The following COL20A1 variants were observed in gnomAD, a reference collection of about 807,000 sequenced individuals.
COL20A1 encodes collagen alpha-1(XX) chain.
COL20A1 carries 164 observed loss-of-function variants against 152.9 expected under a neutral mutation model. That is an observed-to-expected ratio of 1.07 (90% CI 0.94 to 1.22). The LOEUF (loss-of-function observed/expected upper bound fraction) is 1.22. Ranked by LOEUF, COL20A1 falls within the 50% of genes most tolerant of loss-of-function variation. COL20A1 has a pLI of 0.00. For missense variants in COL20A1, 1,873 were observed against 1,744.8 expected (o/e 1.07, Z -1.31); for synonymous variants, 864 against 756.0 (o/e 1.14, Z -2.34).
Position 63,309,326 on chromosome 20 carries a change from C to G in COL20A1, c.941-7C>G, listed in dbSNP as rs774575575. 48 of 1,458,222 alleles carry G rather than the reference C, an allele frequency of 3.3e-5. No individual in the cohort carries two copies. The highest frequency in any genetic ancestry group is 4.2e-5 in the Non-Finnish European group (46 of 1,098,470). The allele number at this position is 1,458,222 out of a possible 1,614,324, so 90.3% of individuals were successfully genotyped here. On this transcript the variant is annotated splice_polypyrimidine_tract_variant and splice_region_variant and intron_variant, in intron 8 of 35. Coordinates refer to ENST00000358894, the MANE Select transcript of COL20A1 (RefSeq NM_020882.4). ...CAGGCCAACCCCACCTCCCTCCTCA[C>G]GAGCAGGTGTGAAGAACGCCGATGA... is the stretch of plus-strand genomic sequence containing the variant.
At chr20:63,321,470 G>A (rs1185744206) in intron 26 of COL20A1, among the ~76,000 whole-genome samples, 2 of 152,234 alleles carry the variant, frequency 1.3e-5, no homozygotes, top group Non-Finnish European at 2.9e-5. Context: ...TGTGAGGCTT[G>A]GGACGGATCC....
chr20:63,319,606 C>G lies in COL20A1; in HGVS notation c.2916+10C>G. ...CGGGAGCTTCCACAAGGTCCTGGTG[C>G]AGCTCGCGCCCCTCTCCCCCGTTCC... is the stretch of plus-strand genomic sequence containing the variant. On this transcript the variant is annotated intron_variant, in intron 23 of 35. Transcript: ENST00000358894. The surrounding 1 kb of genome is among the most constrained non-coding windows in gnomAD (Gnocchi z 4.4). The G allele has an allele frequency of 1.3e-6, 2 of 1,546,396 alleles. No individual in the cohort carries two copies.
rs956483170 is a variant in COL20A1, at chr20:63,306,970, C to T, written c.497-520C>T. Among the ~76,000 whole-genome samples, 13 of 152,346 alleles carry T rather than the reference C, an allele frequency of 8.5e-5. 1 individual carries two copies. The highest frequency in any genetic ancestry group is 3.9e-4 in the East Asian group (2 of 5,166). On this transcript the variant is annotated intron_variant, in intron 5 of 35. Coordinates refer to ENST00000358894, the MANE Select transcript of COL20A1 (RefSeq NM_020882.4). This position sits in a 1 kb window ranked among gnomAD's most constrained non-coding sequence, Gnocchi z 6.9. ...AGGCCTCAGGGCAGCTGGGCCTCTT[C>T]GGTCGCCCCACGGGGGGCTCCACCG...
chr20:63,310,471 G>A lies in COL20A1; in HGVS notation c.1354G>A (p.Gly452Ser). ...GGTCTCCGTGTTCCCCATCTATGAG[G>A]GCGGGGTTGGCGAAGGCCTGCGGGG... ...YLVSVFPIYE[G>S]GVGEGLRGLV... Residue 452 changes from glycine to serine, a missense_variant, in exon 11 of 36, where the codon GGC becomes AGC. Physicochemically the swap from Gly to Ser is moderately conservative, Grantham distance 56. Transcript: ENST00000358894. 6.2e-7 allele frequency: 1 copy of A among 1,607,294 alleles called. No individual in the cohort carries two copies. Among genetic ancestry groups the A allele is most frequent in the Non-Finnish European group, 8.5e-7 (1 of 1,177,596 alleles).
chr20:63,305,936 T>C lies in COL20A1; in HGVS notation c.393T>C (p.Ser131=). Residue 131 remains serine, a synonymous_variant, in exon 5 of 36, where the codon TCT becomes TCC. Transcript: ENST00000358894. This position sits in a 1 kb window ranked among gnomAD's most constrained non-coding sequence, Gnocchi z 4.9. ...GGAGCAGCCAGAGGCCCCTCGGCTC[T>C]GGAGCCCCGGAGCCCACCCCCTCCC... The part of the protein sequence containing the change: ...LDRSSQRPLG[S]GAPEPTPSHT... 6.2e-7 allele frequency: 1 copy of C among 1,612,448 alleles called. No individual in the cohort carries two copies. Among genetic ancestry groups the C allele is most frequent in the East Asian group, 2.2e-5 (1 of 44,876 alleles).
Position 63,334,512 on chromosome 20 carries a change from G to A in COL20A1, c.*3796G>A, listed in dbSNP as rs6011755. 7,093 of 152,280 alleles carry A rather than the reference G, an allele frequency of 0.047. 554 individuals carry two copies. The highest frequency in any genetic ancestry group is 0.16 in the African/African-American group (6,671 of 41,518). The allele number at this position is 152,280 out of a possible 1,614,324, so 9.4% of individuals were successfully genotyped here. ...TCAATGCAACCTCTGTGCCACCCTGGGCTCAAGTGGTCCTCCTGCTCCGGT... is the reference window on the plus strand; with the variant it reads ...TCAATGCAACCTCTGTGCCACCCTGAGCTCAAGTGGTCCTCCTGCTCCGGT... On this transcript the variant is annotated 3_prime_UTR_variant, in exon 36 of 36. Coordinates refer to ENST00000358894, the MANE Select transcript of COL20A1 (RefSeq NM_020882.4).
rs1568767638 is a variant in COL20A1, at chr20:63,305,347, C to T, written c.194-70C>T. The stretch of plus-strand genomic sequence containing the variant: ...TGGGGAGGAGGAGCCAAGAGGGTTT[C>T]ACTCCCCGCCGTGACAGATGCACAC... On this transcript the variant is annotated intron_variant, in intron 3 of 35. Coordinates refer to ENST00000358894, the MANE Select transcript of COL20A1 (RefSeq NM_020882.4). This position sits in a 1 kb window ranked among gnomAD's most constrained non-coding sequence, Gnocchi z 4.9. 1.5e-6 allele frequency: 2 copies of T among 1,295,608 alleles called. No individual in the cohort carries two copies. The highest frequency in any genetic ancestry group is 7.6e-5 in the Admixed American group (2 of 26,332). 80.3% of individuals were successfully genotyped at this position (1,295,608 alleles called of 1,614,324 possible).
chr20:63,315,444 G>T lies in COL20A1; in HGVS notation c.2524+5G>T, dbSNP rs375168033. ...GCCCTGACGGCTCCCTCCCAGGTGG[G>T]TCCTGCATGCCCTCCCCTGCCTGCC... On this transcript the variant is annotated splice_donor_5th_base_variant and intron_variant, in intron 20 of 35. Transcript: ENST00000358894. The T allele has an allele frequency of 6.4e-7, 1 of 1,571,434 alleles. No homozygotes were observed. The highest frequency in any genetic ancestry group is 1.2e-5 in the South Asian group (1 of 85,832).
At chr20:63,326,516 G>A (rs1334055978) in intron 30 of COL20A1, among the ~76,000 whole-genome samples, 2 of 151,272 alleles carry the variant, frequency 1.3e-5, no homozygotes, top group Non-Finnish European at 1.5e-5. Flanking sequence ...AGCTGGGGAC[G>A]TTTAGAGCAG....
chr20:63,308,657 C>CACTGCTGCCCGTGTCCTCAAGG lies in COL20A1; in HGVS notation c.894_915dup (p.Leu306CysfsTer22). 3.7e-6 allele frequency: 6 copies of CACTGCTGCCCGTGTCCTCAAGG among 1,607,812 alleles called. No homozygotes were observed. The highest frequency in any genetic ancestry group is 5.1e-6 in the Non-Finnish European group (6 of 1,177,656). ...ACGGCAAGTCCCAGGACGATGTGCA[C>CACTGCTGCCCGTGTCCTCAAGG]ACTGCTGCCCGTGTCCTCAAGGACC... On this transcript the variant is annotated frameshift_variant, in exon 8 of 36. Coordinates refer to ENST00000358894, the MANE Select transcript of COL20A1 (RefSeq NM_020882.4). LOFTEE classifies it high-confidence loss of function.
intron 3 of COL20A1, among the ~76,000 whole-genome samples, chr20:63,299,603 G>C (rs974935307): frequency 6.6e-6 from 1 of 152,144 alleles, no homozygotes; most frequent in Non-Finnish European, 1.5e-5. Flanking sequence ...CCCAGTGCCC[G>C]TAACCACTGA....
rs1336282422 is a variant in COL20A1 at position 63,295,132 on chromosome 20, C to A, written c.25C>A (p.Leu9Ile). Residue 9 changes from leucine (L) to isoleucine (I), a missense_variant, in exon 2 of 36, where the codon CTC (leucine) becomes ATC (isoleucine). Physicochemically the swap from Leu to Ile is conservative, Grantham distance 5. Coordinates refer to ENST00000358894, the MANE Select transcript of COL20A1 (RefSeq NM_020882.4). MSSGDPAH[L>I]GLCLWLWLGA... ...CATGAGCTCCGGAGACCCTGCACAC[C>A]TCGGCCTCTGCCTCTGGCTGTGGCT... The A allele has an allele frequency of 1.3e-6, 2 of 1,553,374 alleles. No individual in the cohort carries two copies. The highest frequency in any genetic ancestry group is 3.9e-5 in the Admixed American group (2 of 51,364).
intron 3 of COL20A1, among the ~76,000 whole-genome samples, chr20:63,303,088 A>C (rs2067879997): frequency 6.6e-6 from 1 of 152,228 alleles, no homozygotes; most frequent in South Asian, 2.1e-4. Flanking sequence ...TTACCCTTCA[A>C]GTAACCACAC....
At chr20:63,315,121 G>C in intron 19 of COL20A1, among the ~76,000 whole-genome samples, 1 of 152,252 alleles carries the variant, frequency 6.6e-6, no homozygotes, top group South Asian at 2.1e-4. Context: ...ATCACACCCA[G>C]TGAGATGCCT....
At chr20:63,330,678 G>C (rs1425979029) in intron 35 of COL20A1, 42 bp from the exon 36 acceptor site, 1 of 152,362 alleles carries the variant, frequency 6.6e-6, no homozygotes, top group Non-Finnish European at 1.5e-5. Context: ...GTGTCCAGCT[G>C]TCTTCGGCCT....
At position 63,325,165 on chromosome 20, in the gene COL20A1, C is replaced by T. The variant is rs2068224355; in HGVS notation, c.3295-276C>T. 6.5e-6 allele frequency: 4 copies of T among 614,674 alleles called. No individual in the cohort carries two copies. In the Admixed American group the frequency reaches 9.3e-5, roughly 14 times the overall value. 38.1% of individuals were successfully genotyped at this position (614,674 alleles called of 1,614,324 possible). A position where few individuals can be genotyped will look rare whatever the true frequency, so the allele number is the denominator to read the frequency against. ...GAGGTGTCTCCATGTCGGTCTGGGT[C>T]TGAATGCCCAGAGGGCTGGGAGGGC... On this transcript the variant is annotated intron_variant, in intron 27 of 35. Coordinates refer to ENST00000358894, the MANE Select transcript of COL20A1 (RefSeq NM_020882.4).
At position 63,308,224 on chromosome 20, in the gene COL20A1, G is replaced by A. The variant is rs1320916961; in HGVS notation, c.775+134G>A. The A allele has an allele frequency of 3.7e-6, 4 of 1,084,010 alleles. No individual in the cohort carries two copies. In the African/African-American group the frequency reaches 4.8e-5, roughly 13 times the overall value. 67.1% of individuals were successfully genotyped at this position (1,084,010 alleles called of 1,614,324 possible). ...TGAGCCCTGTTCACACCTTTATAGA[G>A]GGCAGAGTCACCCCCTTGTTTACCT... On this transcript the variant is annotated intron_variant, in intron 7 of 35. Transcript: ENST00000358894.
In COL20A1 at chr20:63,311,727, C is replaced by T. The variant is rs748360628; in HGVS notation, c.1642C>T (p.Arg548Trp). 1.1e-5 allele frequency: 17 copies of T among 1,596,202 alleles called. No individual in the cohort carries two copies. Among genetic ancestry groups the T allele is most frequent in the East Asian group, 2.3e-5 (1 of 44,398 alleles). The change falls in exon 13 of 36, where the codon CGG (arginine) becomes TGG (tryptophan). Residue 548 changes from arginine to tryptophan, a missense_variant. Transcript: ENST00000358894. The surrounding 1 kb of genome is among the most constrained non-coding windows in gnomAD (Gnocchi z 4.4). ...SLRGPEGSEA[R>W]GIRARTPTLA... Reference sequence around the variant, plus strand: ...GCGAGGCCCTGAGGGCAGCGAGGCCCGGGGCATCCGTGCCAGGACCCGTGA... The same window carrying T: ...GCGAGGCCCTGAGGGCAGCGAGGCCTGGGGCATCCGTGCCAGGACCCGTGA...
At position 63,327,961 on chromosome 20, in the gene COL20A1, G is replaced by C; in HGVS notation, c.3538G>C (p.Gly1180Arg). Residue 1180 changes from glycine to arginine, a missense_variant, in exon 32 of 36, where the codon GGG (glycine) becomes CGG (arginine). By Grantham distance (125) the Gly-to-Arg change is moderately radical. Transcript: ENST00000358894. ...TTCCCCTCCTCATCAGGGACTGCCA[G>C]GGCCCAAAGGGGAACGAGGAGAGAA... ...PGTVGPTGLP[G>R]PKGERGEKGE... 1 of 1,603,228 alleles carries C rather than the reference G, an allele frequency of 6.2e-7. No homozygotes were observed. Among genetic ancestry groups the C allele is most frequent in the South Asian group, 1.1e-5 (1 of 89,092 alleles).
Sources: allele counts gnomAD v4.1 joint callset (sites outside exome capture counted in the v4.1 genomes callset), GRCh38; gene constraint gnomAD v4.1.1; non-coding constraint Gnocchi (gnomAD v3.1); transcripts MANE v1.5; gene names NCBI Gene and HGNC (gene_info 2026-07-23, HGNC 2026-07-21).